IFT56: variants seen among roughly 807,000 people sequenced by gnomAD.
The protein encoded by IFT56 is intraflagellar transport protein 56.
At chr7:139,147,271 C>T in the IFT56 span, 2 of 1,611,004 alleles carry the variant, frequency 1.2e-6, no homozygotes, top group Non-Finnish European at 1.7e-6. Flanking sequence ...TATATATAAG[C>T]GAATACTGCT....
chr7:139,147,536 A>G, the IFT56 span, among the ~76,000 whole-genome samples: 1 of 152,124 alleles, frequency 6.6e-6, no homozygotes, highest in African/African-American at 2.4e-5. Flanking sequence ...TAATATACTG[A>G]TAGATGTATA....
chr7:139,169,475 C>A, the IFT56 span: 3 of 813,072 alleles, frequency 3.7e-6, no homozygotes, highest in South Asian at 3.5e-5. Flanking sequence ...AGTGGGAGGT[C>A]AGAAATAAGA....
chr7:139,138,121 T>A, the IFT56 span, among the ~76,000 whole-genome samples: 1 of 152,210 alleles, frequency 6.6e-6, no homozygotes, highest in Admixed American at 6.5e-5. Context: ...TTTTTAAAAA[T>A]TTATGGCTTC....
chr7:139,139,550 C>A, the IFT56 span, among the ~76,000 whole-genome samples: 2 of 151,962 alleles, frequency 1.3e-5, no homozygotes, highest in Admixed American at 1.3e-4. Flanking sequence ...GTTAACTGAA[C>A]GTGTGAATTT....
the IFT56 span, chr7:139,178,344 T>C: frequency 6.5e-7 from 1 of 1,545,634 alleles, no homozygotes; most frequent in Non-Finnish European, 8.9e-7. Flanking sequence ...TACAAAATAC[T>C]ATGGAATGTG....
At chr7:139,143,638 A>T in the IFT56 span, among the ~76,000 whole-genome samples, 263 of 150,938 alleles carry the variant, frequency 1.7e-3, 1 homozygote, top group African/African-American at 5.7e-3. Context: ...AATCTTTATT[A>T]AAAAAAAACC....
the IFT56 span, among the ~76,000 whole-genome samples, chr7:139,153,518 C>T: frequency 2.0e-5 from 3 of 151,764 alleles, no homozygotes; most frequent in African/African-American, 7.3e-5. Context: ...TGAGCAACCA[C>T]TAATGTACTT....
the IFT56 span, among the ~76,000 whole-genome samples, chr7:139,154,767 G>A: frequency 2.3e-4 from 35 of 151,924 alleles, no homozygotes; most frequent in Non-Finnish European, 5.9e-5. Context: ...GGAAGTATGC[G>A]GCCTCCTAAT....
chr7:139,137,767 C>A, the IFT56 span: 1 of 1,155,078 alleles, frequency 8.7e-7, no homozygotes, highest in South Asian at 1.3e-5. Flanking sequence ...TTGTCAGTAA[C>A]CCAACGTAGC....
At chr7:139,173,796 C>T in the IFT56 span, 1 of 744,964 alleles carries the variant, frequency 1.3e-6, no homozygotes, top group Admixed American at 1.8e-5. Flanking sequence ...TAACCATTTC[C>T]TCCTGTTAAT....
the IFT56 span, among the ~76,000 whole-genome samples, chr7:139,182,093 T>G: frequency 6.7e-6 from 1 of 149,978 alleles, no homozygotes; most frequent in African/African-American, 2.5e-5. Context: ...CTGGGGTGTG[T>G]GTGTGGAGGG....
chr7:139,141,407 C>A, the IFT56 span, among the ~76,000 whole-genome samples: 45,139 of 152,088 alleles, frequency 0.3, 13,191 homozygotes, highest in African/African-American at 0.74. Context: ...GAGGCTACAG[C>A]CACGCCCACC....
the IFT56 span, chr7:139,179,646 G>C: frequency 6.2e-7 from 1 of 1,609,010 alleles, no homozygotes; most frequent in Non-Finnish European, 8.5e-7. Flanking sequence ...TCGGTGCTGT[G>C]AGTCTTCTTT....
the IFT56 span, among the ~76,000 whole-genome samples, chr7:139,162,790 C>T: frequency 6.6e-6 from 1 of 151,534 alleles, no homozygotes; most frequent in African/African-American, 2.4e-5. Context: ...GAAACTCCAC[C>T]TCTACTAAAA....
the IFT56 span, chr7:139,168,569 C>T: frequency 2.6e-6 from 1 of 379,490 alleles, no homozygotes; most frequent in East Asian, 3.7e-5. Context: ...TATTTAGAGA[C>T]AAAAAAAAAA....
the IFT56 span, among the ~76,000 whole-genome samples, chr7:139,153,005 A>G: frequency 5.3e-5 from 8 of 151,852 alleles, no homozygotes; most frequent in African/African-American, 1.9e-4. Context: ...AAAAATTAGC[A>G]GGGCGTGGCC....
At chr7:139,148,664 C>T in the IFT56 span, among the ~76,000 whole-genome samples, 3 of 152,296 alleles carry the variant, frequency 2.0e-5, no homozygotes, top group Admixed American at 6.5e-5. Context: ...TCTGGCCGGG[C>T]GCTGTGGCTC....
chr7:139,160,788 T>A, the IFT56 span, among the ~76,000 whole-genome samples: 3 of 152,244 alleles, frequency 2.0e-5, no homozygotes, highest in Non-Finnish European at 4.4e-5. Flanking sequence ...ATTGCTCTCA[T>A]TTGAAAATGT....
the IFT56 span, chr7:139,172,763 G>A: frequency 6.0e-4 from 379 of 635,844 alleles, 6 homozygotes; most frequent in East Asian, 0.011. Flanking sequence ...GTCACCTGGT[G>A]GGTAATTGTC....
Sources: gnomAD v4.1 joint callset for allele counts (sites outside exome capture counted in the v4.1 genomes callset) on GRCh38, gnomAD v4.1.1 for gene constraint, MANE v1.5 for transcripts, NCBI Gene and HGNC (gene_info 2026-07-23, HGNC 2026-07-21) for gene names.